Variants in CLEC2A observed in about 807,000 individuals in gnomAD.
CLEC2A encodes C-type lectin domain family 2 member A, also known as keratinocyte-associated C-type lectin.
A neutral mutation model predicts 18.6 loss-of-function variants in CLEC2A; 19 were observed. That is an observed-to-expected ratio of 1.02 (90% CI 0.71 to 1.50). CLEC2A has a LOEUF of 1.50. Among genes scored for constraint, CLEC2A ranks in the 40% most tolerant of loss-of-function variants. CLEC2A has a pLI of 0.00. For missense variants in CLEC2A, 190 were observed against 207.9 expected (o/e 0.91, Z 0.53); for synonymous variants, 74 against 64.0 (o/e 1.16, Z -0.75).
chr12:9,928,586 A>G (rs1289149033), intron 1 of CLEC2A, among the ~76,000 whole-genome samples: 3 of 152,268 alleles, frequency 2.0e-5, no homozygotes, highest in Non-Finnish European at 1.5e-5. Flanking sequence ...GGGAGAAAAT[A>G]GTCACAATAT....
chr12:9,916,713 T>G lies in CLEC2A; in HGVS notation c.397A>C (p.Thr133Pro). 1.3e-6 allele frequency: 2 copies of G among 1,545,794 alleles called. No individual in the cohort carries two copies. Among genetic ancestry groups the G allele is most frequent in the East Asian group, 4.9e-5 (2 of 40,874 alleles). ...GDSWKWTNGT[T>P]FNGWFEIIGN... is the part of the protein sequence containing the mutation. ...TTGGAAACTCACCAACCATTGAATG[T>G]GGTGCCATTTGTCCATTTCCAAGAA... The change falls in exon 4 of 5, where the codon ACA becomes CCA. Residue 133 changes from threonine (T) to proline (P), a missense_variant. Physicochemically the swap from Thr to Pro is conservative, Grantham distance 38. Coordinates refer to ENST00000455827, the MANE Select transcript of CLEC2A (RefSeq NM_001130711.2).
At chr12:9,921,068 G>T (rs1469140526) in intron 3 of CLEC2A, among the ~76,000 whole-genome samples, 1 of 152,160 alleles carries the variant, frequency 6.6e-6, no homozygotes, top group Non-Finnish European at 1.5e-5. Flanking sequence ...CTGTGTCATT[G>T]GCTGGGTTAC....
At chr12:9,886,754 T>C in the CLEC2A span, among the ~76,000 whole-genome samples, 36 of 119,834 alleles carry the variant, frequency 3.0e-4, no homozygotes, top group African/African-American at 1.0e-3. Flanking sequence ...ATTTTGCCCC[T>C]ATATCATGCA....
chr12:9,885,869 C>T, the CLEC2A span, among the ~76,000 whole-genome samples: 1 of 151,962 alleles, frequency 6.6e-6, no homozygotes, highest in African/African-American at 2.4e-5. Context: ...CGTTATGAAT[C>T]TATCTAAGTA....
intron 1 of CLEC2A, among the ~76,000 whole-genome samples, chr12:9,927,471 A>G (rs150997413): frequency 3.2e-4 from 48 of 152,296 alleles, no homozygotes; most frequent in African/African-American, 1.1e-3. Flanking sequence ...CAGATTATAT[A>G]TATGTATGCA....
In CLEC2A at chr12:9,916,683, A is replaced by G; in HGVS notation, c.410+17T>C. The G allele has an allele frequency of 7.0e-7, 1 of 1,436,220 alleles. No homozygotes were observed. The highest frequency in any genetic ancestry group is 1.2e-5 in the South Asian group (1 of 81,830). 89.0% of individuals were successfully genotyped at this position (1,436,220 alleles called of 1,614,324 possible). On this transcript the variant is annotated intron_variant, in intron 4 of 4. Coordinates refer to ENST00000455827, the MANE Select transcript of CLEC2A (RefSeq NM_001130711.2). ...ACACACCAGAATAAGAACATTGCTA[A>G]TACATTGGAAACTCACCAACCATTG... is the stretch of plus-strand genomic sequence containing the variant.
chr12:9,879,419 A>G, the CLEC2A span, among the ~76,000 whole-genome samples: 1 of 152,198 alleles, frequency 6.6e-6, no homozygotes, highest in African/African-American at 2.4e-5. Flanking sequence ...TAATTATGAT[A>G]TTTATTCCCC....
the CLEC2A span, among the ~76,000 whole-genome samples, chr12:9,882,663 C>G: frequency 6.6e-6 from 1 of 151,960 alleles, no homozygotes; most frequent in Non-Finnish European, 1.5e-5. Context: ...TGCCTGTAAT[C>G]CCAACTACTT....
chr12:9,913,533 A>G lies in CLEC2A; in HGVS notation c.*33T>C. 6.5e-7 allele frequency: 1 copy of G among 1,532,822 alleles called. No individual in the cohort carries two copies. Among genetic ancestry groups the G allele is most frequent in the Non-Finnish European group, 8.8e-7 (1 of 1,142,614 alleles). The allele number at this position is 1,532,822 out of a possible 1,614,324, so 95.0% of individuals were successfully genotyped here. A position where few individuals can be genotyped will look rare whatever the true frequency, so the allele number is the denominator to read the frequency against. ...ATAATTAGCTCTTCTTTCAATCTTG[A>G]AGTGTGATAATCATTTTCAAGTTTT... On this transcript the variant is annotated 3_prime_UTR_variant, in exon 5 of 5. Coordinates refer to ENST00000455827, the MANE Select transcript of CLEC2A (RefSeq NM_001130711.2).
chr12:9,914,031 A>G (rs376979852), intron 4 of CLEC2A, among the ~76,000 whole-genome samples: 6 of 152,136 alleles, frequency 3.9e-5, no homozygotes, highest in African/African-American at 1.2e-4. Context: ...ATCTATATGC[A>G]AAGAGAGAGT....
chr12:9,893,166 C>T, the CLEC2A span: 1 of 1,529,856 alleles, frequency 6.5e-7, no homozygotes, highest in Non-Finnish European at 8.8e-7. Flanking sequence ...TTTGGATGAG[C>T]TGGTGAGAAA....
In CLEC2A at chr12:9,902,232, CA is replaced by C. The variant is rs1458361776; in HGVS notation, c.411-3257del. On this transcript the variant is annotated intron_variant, in intron 4 of 4. Coordinates refer to the CLEC2A transcript ENST00000339766. ...AGTGCTAAGTGTAGCCAAGGTTTGC[CA>C]TTTTTTTTTTTTTTTTTTGAGATTT... Among the ~76,000 whole-genome samples, 10 of 135,076 alleles carry C rather than the reference CA, an allele frequency of 7.4e-5. 1 individual carries two copies. The highest frequency in any genetic ancestry group is 2.6e-4 in the African/African-American group (9 of 34,822). 88.6% of individuals were successfully genotyped at this position (135,076 alleles called of 152,430 possible).
downstream of CLEC2A, among the ~76,000 whole-genome samples, chr12:9,909,004 T>C (rs1862944029): frequency 1.3e-5 from 2 of 152,222 alleles, no homozygotes; most frequent in Non-Finnish European, 2.9e-5. Flanking sequence ...CTCTGAGAAA[T>C]TCACTTAGAG....
chr12:9,895,637 T>G, downstream of CLEC2A: 2 of 1,455,596 alleles, frequency 1.4e-6, no homozygotes, highest in Non-Finnish European at 1.8e-6. Context: ...CTTTAAAAGA[T>G]ACTATTATCA....
chr12:9,931,212 C>G (rs1565537415), intron 1 of CLEC2A, among the ~76,000 whole-genome samples: 1 of 152,206 alleles, frequency 6.6e-6, no homozygotes, highest in East Asian at 1.9e-4. Flanking sequence ...CCAGACAAGC[C>G]TGACTAATTT....
At chr12:9,891,047 A>ATT in the CLEC2A span, among the ~76,000 whole-genome samples, 53 of 137,934 alleles carry the variant, frequency 3.8e-4, no homozygotes, top group African/African-American at 1.3e-3. Context: ...CCTCCTTTTA[A>ATT]TTTTTTTTTT....
chr12:9,887,313 T>A, the CLEC2A span, among the ~76,000 whole-genome samples: 1 of 152,174 alleles, frequency 6.6e-6, no homozygotes, highest in East Asian at 1.9e-4. Context: ...GATAGATAGA[T>A]AATTTCAGAA....
Position 9,928,002 on chromosome 12 carries a change from G to T in CLEC2A, c.56-1659C>A, listed in dbSNP as rs576516544. The stretch of plus-strand genomic sequence containing the variant: ...AAGGCTTTACCATACGACAACATCA[G>T]CTTACAAAATTTATTTAAGACGTAT... On this transcript the variant is annotated intron_variant, in intron 1 of 4. Coordinates refer to ENST00000455827, the MANE Select transcript of CLEC2A (RefSeq NM_001130711.2). 3.3e-5 allele frequency among the ~76,000 whole-genome samples: 5 copies of T among 152,148 alleles called. No individual in the cohort carries two copies. The South Asian group carries it at 1.0e-3, about 32-fold the overall frequency.
chr12:9,919,947 T>C (rs1863137885), intron 3 of CLEC2A, among the ~76,000 whole-genome samples: 1 of 152,188 alleles, frequency 6.6e-6, no homozygotes, highest in African/African-American at 2.4e-5. Context: ...AAGGGCAGTC[T>C]GGCCACTTTT....
Sources: allele counts gnomAD v4.1 joint callset (sites outside exome capture counted in the v4.1 genomes callset), GRCh38; gene constraint gnomAD v4.1.1; transcripts MANE v1.5; gene names NCBI Gene and HGNC (gene_info 2026-07-23, HGNC 2026-07-21).